SIL1: variants seen among roughly 807,000 people sequenced by gnomAD.
The protein encoded by SIL1 is SIL1 nucleotide exchange factor.
In SIL1, 40 loss-of-function variants were observed where a neutral mutation model predicts 49.1. The ratio of observed to expected loss-of-function variants is 0.81; its 90% CI spans 0.63 to 1.06. SIL1 has a LOEUF of 1.06. Among genes scored for constraint, SIL1 ranks in the 50% least tolerant of loss-of-function variants. The pLI, the probability that SIL1 is intolerant of heterozygous loss-of-function variation, is 0.00. For missense variants in SIL1, 500 were observed against 572.6 expected (o/e 0.87, Z 1.29); for synonymous variants, 253 against 250.8 (o/e 1.01, Z -0.08).
intron 1 of SIL1, among the ~76,000 whole-genome samples, chr5:139,170,523 C>T (rs1210141785): frequency 6.6e-6 from 1 of 151,558 alleles, no homozygotes; most frequent in Non-Finnish European, 1.5e-5. Context: ...CCCACCACCC[C>T]ATCTGGGATG....
At chr5:139,031,369 G>T (rs1164951745) in intron 5 of SIL1, among the ~76,000 whole-genome samples, 1 of 152,040 alleles carries the variant, frequency 6.6e-6, no homozygotes, top group African/African-American at 2.4e-5. Context: ...TTGCTGAAAA[G>T]ACTATTTGTC....
intron 1 of SIL1, among the ~76,000 whole-genome samples, chr5:139,197,250 A>G (rs1752292226): frequency 1.4e-5 from 2 of 147,076 alleles, no homozygotes; most frequent in Non-Finnish European, 3.0e-5. Context: ...CCTGAGAAAC[A>G]AGAGCGAAAC....
At chr5:138,986,495 C>G (rs1767651924) in intron 7 of SIL1, among the ~76,000 whole-genome samples, 1 of 152,224 alleles carries the variant, frequency 6.6e-6, no homozygotes, top group Admixed American at 6.5e-5. Context: ...TGGGAACCGT[C>G]TGGTGCATAC....
At chr5:139,197,866 G>A (rs575084775) in intron 1 of SIL1, among the ~76,000 whole-genome samples, 2 of 152,312 alleles carry the variant, frequency 1.3e-5, no homozygotes, top group Admixed American at 6.5e-5. Context: ...AGCAATAAGA[G>A]AGTGACAATA....
chr5:139,158,740 T>A (rs901875178), intron 1 of SIL1, among the ~76,000 whole-genome samples: 2 of 152,196 alleles, frequency 1.3e-5, no homozygotes, highest in Non-Finnish European at 2.9e-5. Context: ...AATAATTTTT[T>A]AAAAAAAGAA....
At chr5:139,190,336 T>C (rs1011905022) in intron 1 of SIL1, among the ~76,000 whole-genome samples, 1 of 152,174 alleles carries the variant, frequency 6.6e-6, no homozygotes, top group Non-Finnish European at 1.5e-5. Flanking sequence ...ATTCATTTCC[T>C]CTGAGGTAAG....
At chr5:139,092,524 T>A (rs530065085) in intron 3 of SIL1, among the ~76,000 whole-genome samples, 223 of 152,278 alleles carry the variant, frequency 1.5e-3, no homozygotes, top group African/African-American at 5.2e-3. Flanking sequence ...TGCTTATTTA[T>A]CTCCAAAAGA....
rs78189034 is a variant in SIL1 at position 139,015,574 on chromosome 5, A to G, written c.767+5597T>C. Among the ~76,000 whole-genome samples, 1,220 of 152,328 alleles carry G rather than the reference A, an allele frequency of 8.0e-3. 7 individuals are homozygous for G. Among genetic ancestry groups the G allele is most frequent in the Non-Finnish European group, 0.013 (885 of 68,030 alleles). On this transcript the variant is annotated intron_variant, in intron 7 of 9. Transcript: ENST00000394817. ...TTTCCTCCTCCTGTCTTTCGCCTCTATTATCCTCCTCAGCATGTTGGCTTT... is the reference window on the plus strand; with the variant it reads ...TTTCCTCCTCCTGTCTTTCGCCTCTGTTATCCTCCTCAGCATGTTGGCTTT...
chr5:138,961,197 C>G (rs1767013657), intron 7 of SIL1, among the ~76,000 whole-genome samples: 1 of 152,132 alleles, frequency 6.6e-6, no homozygotes, highest in Admixed American at 6.5e-5. Flanking sequence ...GAACAGTTGC[C>G]CATTGTGTCT....
chr5:139,028,523 A>AAAACAAAACAAAACAAAACAAAACG (rs1768714053), intron 5 of SIL1, among the ~76,000 whole-genome samples: 1 of 151,812 alleles, frequency 6.6e-6, no homozygotes, highest in Admixed American at 6.6e-5. Context: ...AAAACAAAAC[A>AAAACAAAACAAAACAAAACAAAACG]AAACAAAACA....
intron 3 of SIL1, among the ~76,000 whole-genome samples, chr5:139,105,881 G>T (rs1770696253): frequency 6.6e-6 from 1 of 152,236 alleles, no homozygotes; most frequent in African/African-American, 2.4e-5. Flanking sequence ...GCCGGCACAA[G>T]GCAATTTCTC....
At chr5:138,991,038 T>C (rs1767746450) in intron 7 of SIL1, among the ~76,000 whole-genome samples, 1 of 152,196 alleles carries the variant, frequency 6.6e-6, no homozygotes, top group Non-Finnish European at 1.5e-5. Context: ...TTTAAAACAG[T>C]CTTTATCCTT....
chr5:139,108,083 G>A (rs961924403), intron 3 of SIL1: 3 of 152,154 alleles, frequency 2.0e-5, no homozygotes, highest in African/African-American at 4.8e-5. Flanking sequence ...TTCCCTCTCC[G>A]AAGAATGTGT....
At chr5:139,112,384 C>A (rs1487322001) in intron 3 of SIL1, among the ~76,000 whole-genome samples, 4 of 151,750 alleles carry the variant, frequency 2.6e-5, no homozygotes, top group Non-Finnish European at 5.9e-5. Flanking sequence ...GGCTGCCATC[C>A]CGTCTAGGAA....
chr5:139,037,207 A>C (rs1768937074), intron 5 of SIL1, among the ~76,000 whole-genome samples: 1 of 152,100 alleles, frequency 6.6e-6, no homozygotes, highest in Middle Eastern at 3.4e-3. Context: ...AATATCGCTC[A>C]ATCATTGTTC....
At position 138,947,444 on chromosome 5, in the gene SIL1, G is replaced by A. The variant is rs1269748214; in HGVS notation, c.1059C>T (p.Thr353=). The A allele has an allele frequency of 6.2e-7, 1 of 1,613,528 alleles. No individual in the cohort carries two copies. The highest frequency in any genetic ancestry group is 8.5e-7 in the Non-Finnish European group (1 of 1,180,026). The change falls in exon 10 of 10, where the codon ACC becomes ACT. Residue 353 remains threonine (T), a synonymous_variant. Coordinates refer to ENST00000394817, the MANE Select transcript of SIL1 (RefSeq NM_022464.5). The surrounding 1 kb of genome is among the most constrained non-coding windows in gnomAD (Gnocchi z 4.1). The stretch of plus-strand genomic sequence containing the variant: ...GCAGCTTCTCTGGGGACATCTCCTG[G>A]GTCAGCTCAGCCTCCTCCTCGGCGA... The part of the protein sequence containing the change: ...KMFAEEEAEL[T]QEMSPEKLQQ...
chr5:139,143,342 C>CATATATATATATATAT (rs1254298733), intron 1 of SIL1, among the ~76,000 whole-genome samples: 20 of 90,612 alleles, frequency 2.2e-4, no homozygotes, highest in African/African-American at 1.2e-3. Context: ...CACACACACA[C>CATATATATATATATAT]ACATATATAT....
At chr5:139,143,466 G>A (rs983833099) in intron 1 of SIL1, among the ~76,000 whole-genome samples, 6 of 151,520 alleles carry the variant, frequency 4.0e-5, no homozygotes, top group East Asian at 1.9e-4. Flanking sequence ...TGCCTCCTGG[G>A]TTCAAGCGAT....
At chr5:139,133,054 C>T (rs986509018) in intron 1 of SIL1, among the ~76,000 whole-genome samples, 1 of 64,470 alleles carries the variant, frequency 1.6e-5, no homozygotes, top group African/African-American at 6.4e-5. Flanking sequence ...ATGGCCCCTG[C>T]ATACCCTGCA....
Sources: gnomAD v4.1 joint callset for allele counts (sites outside exome capture counted in the v4.1 genomes callset) on GRCh38, gnomAD v4.1.1 for gene constraint, Gnocchi (gnomAD v3.1) non-coding constraint, MANE v1.5 for transcripts, NCBI Gene and HGNC (gene_info 2026-07-23, HGNC 2026-07-21) for gene names.